ACTN1: variants seen among roughly 807,000 people sequenced by gnomAD.
ACTN1 encodes actinin alpha 1.
A neutral mutation model predicts 119.6 loss-of-function variants in ACTN1; 30 were observed. The observed-to-expected ratio is 0.25, with a 90% CI of 0.19 to 0.34. The LOEUF is 0.34. Ranked by LOEUF, ACTN1 falls within the 10% of genes least tolerant of loss-of-function variation. The probability of loss-of-function intolerance (pLI) is 1.00; values close to 1 mark genes in which losing one functional copy is unlikely to be tolerated. For synonymous variants in ACTN1, 429 were observed against 472.6 expected (o/e 0.91, Z 1.20); for missense variants, 764 against 1,223.4 (o/e 0.62, Z 5.60).
chr14:68,929,381 C>T (rs1050701205), intron 1 of ACTN1, among the ~76,000 whole-genome samples: 6 of 152,236 alleles, frequency 3.9e-5, no homozygotes, highest in South Asian at 2.1e-4. Context: ...CCAGCCTGGA[C>T]GCCCAGCGTG....
intron 16 of ACTN1, chr14:68,881,200 A>T (rs987468372): frequency 1.9e-6 from 1 of 517,806 alleles, no homozygotes; most frequent in Non-Finnish European, 3.4e-6. Context: ...TATAACAAGC[A>T]CTGTTATCAT....
chr14:68,949,424 C>T (rs1269088418), intron 1 of ACTN1, among the ~76,000 whole-genome samples: 2 of 152,168 alleles, frequency 1.3e-5, no homozygotes, highest in African/African-American at 4.8e-5. Flanking sequence ...CCTCGGGGAC[C>T]CAAATGGCCA....
At chr14:68,916,099 G>A (rs2034278120) in intron 3 of ACTN1, among the ~76,000 whole-genome samples, 1 of 152,236 alleles carries the variant, frequency 6.6e-6, no homozygotes, top group Non-Finnish European at 1.5e-5. Context: ...AGCATGGGAA[G>A]TGGGAAAAGC....
intron 1 of ACTN1, among the ~76,000 whole-genome samples, chr14:68,956,985 C>G (rs1449107886): frequency 6.6e-6 from 1 of 152,074 alleles, no homozygotes; most frequent in Non-Finnish European, 1.5e-5. Flanking sequence ...GAGCTCTTCA[C>G]CCAAACAACA....
At chr14:68,888,993 C>A (rs1294937780) in intron 11 of ACTN1, among the ~76,000 whole-genome samples, 3 of 152,172 alleles carry the variant, frequency 2.0e-5, no homozygotes, top group African/African-American at 7.2e-5. Context: ...TCATCTCCAA[C>A]CTAAGATCTG....
chr14:68,877,015 C>G, intron 21 of ACTN1, 67 bp downstream of exon 21: 2 of 1,579,418 alleles, frequency 1.3e-6, no homozygotes, highest in African/African-American at 2.7e-5. Flanking sequence ...CCAGCTCTCA[C>G]CCCTTTAGAT....
chr14:68,877,392 T>C lies in ACTN1; in HGVS notation c.2428-152A>G, dbSNP rs1237043487. The C allele has an allele frequency of 7.8e-6, 7 of 893,070 alleles. No individual in the cohort carries two copies. In the Admixed American group the frequency reaches 2.0e-4, roughly 25 times the overall value. The allele number at this position is 893,070 out of a possible 1,614,324, so 55.3% of individuals were successfully genotyped here. ...AACCTGGGTTGTCCTAAGGGTATGATGGGGACACAACACCCAACAGGGGAG... is the reference window on the plus strand; with the variant it reads ...AACCTGGGTTGTCCTAAGGGTATGACGGGGACACAACACCCAACAGGGGAG... On this transcript the variant is annotated intron_variant, in intron 20 of 21. Coordinates refer to ENST00000394419, the MANE Select transcript of ACTN1 (RefSeq NM_001130004.2).
chr14:68,922,197 G>C (rs1199928582), intron 2 of ACTN1, among the ~76,000 whole-genome samples: 2 of 152,186 alleles, frequency 1.3e-5, no homozygotes, highest in African/African-American at 4.8e-5. Context: ...CTCCCCAGCA[G>C]GTCGACAATC....
chr14:68,928,020 G>C (rs2035017757), intron 1 of ACTN1, among the ~76,000 whole-genome samples: 1 of 152,064 alleles, frequency 6.6e-6, no homozygotes, highest in Non-Finnish European at 1.5e-5. Context: ...TTTCCTTGAG[G>C]GGAACTGTGT....
chr14:68,953,071 CCT>C (rs1246899269), intron 1 of ACTN1, among the ~76,000 whole-genome samples: 2 of 152,180 alleles, frequency 1.3e-5, no homozygotes, highest in African/African-American at 2.4e-5. Context: ...CGCACCCACC[CCT>C]GTCCCCAGGG....
intron 1 of ACTN1, among the ~76,000 whole-genome samples, chr14:68,950,462 G>GTGTGTGTGTGTGTGTGTGTA: frequency 2.4e-5 from 3 of 125,910 alleles, no homozygotes; most frequent in African/African-American, 8.2e-5. Context: ...ATGCGTGTGT[G>GTGTGTGTGTGTGTGTGTGTA]TATATATATA....
intron 13 of ACTN1, 86 bp downstream of exon 13, chr14:68,884,689 G>T: frequency 8.4e-7 from 1 of 1,192,776 alleles, no homozygotes; most frequent in Non-Finnish European, 1.2e-6. Context: ...GAGTCTTTTA[G>T]CCCAAAGCAA....
At chr14:68,894,623 T>G (rs114464901) in intron 8 of ACTN1, among the ~76,000 whole-genome samples, 1 of 152,148 alleles carries the variant, frequency 6.6e-6, no homozygotes. Context: ...TGTTCTTGCA[T>G]ACATTCCAAC....
chr14:68,938,060 G>A (rs2035608367), intron 1 of ACTN1, among the ~76,000 whole-genome samples: 1 of 152,246 alleles, frequency 6.6e-6, no homozygotes, highest in South Asian at 2.1e-4. Context: ...GACCTGCCCA[G>A]AAGTGATCTC....
intron 1 of ACTN1, among the ~76,000 whole-genome samples, chr14:68,969,417 T>C (rs2036807346): frequency 6.6e-6 from 1 of 152,194 alleles, no homozygotes; most frequent in African/African-American, 2.4e-5. Flanking sequence ...CAGGGCCAAG[T>C]CTGGAAAAGC....
intron 11 of ACTN1, chr14:68,888,183 C>G (rs2032181362): frequency 2.1e-6 from 1 of 479,554 alleles, no homozygotes; most frequent in Non-Finnish European, 3.8e-6. Context: ...CTCCTCACGC[C>G]CAGGATAGAT....
chr14:68,971,423 G>C (rs1305238551), intron 1 of ACTN1, among the ~76,000 whole-genome samples: 1 of 152,194 alleles, frequency 6.6e-6, no homozygotes, highest in Non-Finnish European at 1.5e-5. Context: ...CCCTTCCCAG[G>C]AGGTGGACAG....
intron 6 of ACTN1, among the ~76,000 whole-genome samples, chr14:68,905,449 GA>G (rs2033608901): frequency 6.6e-6 from 1 of 152,190 alleles, no homozygotes; most frequent in African/African-American, 2.4e-5. Context: ...CACTTGCGGG[GA>G]GATACTCAAA....
At chr14:68,969,770 C>CA (rs1477615925) in intron 1 of ACTN1, among the ~76,000 whole-genome samples, 2 of 152,188 alleles carry the variant, frequency 1.3e-5, no homozygotes, top group Admixed American at 1.3e-4. Context: ...TCTCTATCCC[C>CA]AAACTACAGG....
Sources: gnomAD v4.1 joint callset for allele counts (sites outside exome capture counted in the v4.1 genomes callset) on GRCh38, gnomAD v4.1.1 for gene constraint, MANE v1.5 for transcripts, NCBI Gene and HGNC (gene_info 2026-07-23, HGNC 2026-07-21) for gene names.